Variants in STON2 observed in about 807,000 individuals in gnomAD.
STON2 encodes stonin-2.
STON2 carries 29 observed loss-of-function variants against 65.7 expected under a neutral mutation model. The ratio of observed to expected loss-of-function variants is 0.44; its 90% CI spans 0.33 to 0.60. STON2 has a LOEUF of 0.60. Ranked by LOEUF, STON2 falls within the 20% of genes least tolerant of loss-of-function variation. The pLI is 0.03. For missense variants in STON2, 1,054 were observed against 1,118.1 expected (o/e 0.94, Z 0.82); for synonymous variants, 404 against 414.2 (o/e 0.98, Z 0.30).
At position 81,265,900 on chromosome 14, in the gene STON2, C is replaced by A. The variant is rs1894341434; in HGVS notation, c.*2514G>T. Reference sequence around the variant, plus strand: ...TTGACAGAGTGCTAAGCGTGAGTGACTAAGGAAGGTGCTGGGATGAGCTTC... The same window carrying A: ...TTGACAGAGTGCTAAGCGTGAGTGAATAAGGAAGGTGCTGGGATGAGCTTC... On this transcript the variant is annotated 3_prime_UTR_variant, in exon 8 of 8. Coordinates refer to ENST00000614646, the MANE Select transcript of STON2 (RefSeq NM_001394390.1). 1 of 985,126 alleles carries A rather than the reference C, an allele frequency of 1.0e-6. No individual in the cohort carries two copies. The highest frequency in any genetic ancestry group is 1.2e-6 in the Non-Finnish European group (1 of 829,898). 61.0% of individuals were successfully genotyped at this position (985,126 alleles called of 1,614,324 possible).
At chr14:81,416,556 T>C (rs1325723497) in intron 2 of STON2, among the ~76,000 whole-genome samples, 1 of 152,200 alleles carries the variant, frequency 6.6e-6, no homozygotes, top group Non-Finnish European at 1.5e-5. Flanking sequence ...ATGTGAGCCA[T>C]GCCCACGAAG....
intron 2 of STON2, among the ~76,000 whole-genome samples, chr14:81,407,152 T>C (rs1054868108): frequency 6.6e-6 from 1 of 152,184 alleles, no homozygotes; most frequent in Non-Finnish European, 1.5e-5. Flanking sequence ...TGCTGTTTTG[T>C]GGTTGTTCGC....
At chr14:81,397,613 C>A (rs1167544871) in intron 2 of STON2, among the ~76,000 whole-genome samples, 1 of 152,170 alleles carries the variant, frequency 6.6e-6, no homozygotes, top group South Asian at 2.1e-4. Flanking sequence ...TCAGTTGGCA[C>A]TGGTAGCTGT....
rs1300643087 is a variant in STON2 at position 81,413,113 on chromosome 14, G to T, written c.-199+13989C>A. The T allele has an allele frequency of 2.8e-5, 34 of 1,216,482 alleles. 4 individuals carry two copies. The highest frequency in any genetic ancestry group is 3.4e-5 in the Non-Finnish European group (29 of 855,654). 75.4% of individuals were successfully genotyped at this position (1,216,482 alleles called of 1,614,324 possible). On this transcript the variant is annotated intron_variant, in intron 2 of 8. Coordinates refer to the STON2 transcript ENST00000553821. ...CTCATATCAAGAAGGAATGTGACAAGAAGTACAATCCCACCTGACACTGCA... is the reference window on the plus strand; with the variant it reads ...CTCATATCAAGAAGGAATGTGACAATAAGTACAATCCCACCTGACACTGCA...
chr14:81,359,980 A>G (rs971040604), intron 4 of STON2, among the ~76,000 whole-genome samples: 1 of 152,220 alleles, frequency 6.6e-6, no homozygotes, highest in Non-Finnish European at 1.5e-5. Flanking sequence ...GGTCCCAGCC[A>G]CATAAGGGGC....
intron 4 of STON2, among the ~76,000 whole-genome samples, chr14:81,368,150 G>A (rs1195058948): frequency 6.6e-6 from 1 of 152,108 alleles, no homozygotes; most frequent in Non-Finnish European, 1.5e-5. Flanking sequence ...TGGAAGGTCT[G>A]GGGGGTAACA....
chr14:81,393,674 A>C (rs1265945030), intron 3 of STON2, among the ~76,000 whole-genome samples: 5 of 152,246 alleles, frequency 3.3e-5, no homozygotes, highest in Non-Finnish European at 7.3e-5. Context: ...TGAGCACAGA[A>C]ACTGAGACAA....
At position 81,295,194 on chromosome 14, in the gene STON2, G is replaced by A. The variant is rs185011828; in HGVS notation, c.743-16455C>T. On this transcript the variant is annotated intron_variant, in intron 5 of 7. Transcript: ENST00000614646. ...GAAAAAATTAGCCGGCTGTGGTGGCGGGCACCTGTAGTCCCAGCTACTCTG... is the reference window on the plus strand; with the variant it reads ...GAAAAAATTAGCCGGCTGTGGTGGCAGGCACCTGTAGTCCCAGCTACTCTG... 1.7e-3 allele frequency among the ~76,000 whole-genome samples: 254 copies of A among 152,184 alleles called. 1 individual carries two copies. Among genetic ancestry groups the A allele is most frequent in the African/African-American group, 5.5e-3 (229 of 41,516 alleles).
chr14:81,292,263 C>G (rs2140158948), intron 5 of STON2, among the ~76,000 whole-genome samples: 1 of 152,296 alleles, frequency 6.6e-6, no homozygotes, highest in East Asian at 1.9e-4. Context: ...ATCATGTTAT[C>G]TCACATCAGA....
Position 81,266,703 on chromosome 14 carries a change from A to G in STON2, c.*1711T>C. ...GACTACATTAGCTTTGTGAATAGCC[A>G]TGATATATTTCTGATTCAACATTGA... is the stretch of plus-strand genomic sequence containing the variant. On this transcript the variant is annotated 3_prime_UTR_variant, in exon 8 of 8. Transcript: ENST00000614646. 1 of 985,400 alleles carries G rather than the reference A, an allele frequency of 1.0e-6. No homozygotes were observed. The highest frequency in any genetic ancestry group is 1.2e-6 in the Non-Finnish European group (1 of 829,886). The allele number at this position is 985,400 out of a possible 1,614,324, so 61.0% of individuals were successfully genotyped here.
chr14:81,308,810 ATATATATATATATATGTGTGTGTGTG>A (rs1896295738), intron 5 of STON2, among the ~76,000 whole-genome samples: 4 of 9,678 alleles, frequency 4.1e-4, no homozygotes, highest in African/African-American at 8.0e-4. Context: ...ATATATATAT[ATATATATATATATATGTGTGTGTGTG>A]TATATATATA....
chr14:81,316,402 C>A (rs953411462), intron 5 of STON2, among the ~76,000 whole-genome samples: 1 of 152,224 alleles, frequency 6.6e-6, no homozygotes. Flanking sequence ...CATTGTTAAA[C>A]ACCTTCCTGC....
intron 5 of STON2, among the ~76,000 whole-genome samples, chr14:81,285,405 A>G (rs1895293435): frequency 6.6e-6 from 1 of 152,224 alleles, no homozygotes; most frequent in Admixed American, 6.5e-5. Flanking sequence ...CAGATGTGGT[A>G]GAAACAGTGA....
chr14:81,317,967 T>G (rs1896686788), intron 5 of STON2, among the ~76,000 whole-genome samples: 1 of 152,122 alleles, frequency 6.6e-6, no homozygotes, highest in Non-Finnish European at 1.5e-5. Context: ...ATTTTTTTAT[T>G]TTGGGGGTGT....
intron 5 of STON2, among the ~76,000 whole-genome samples, chr14:81,288,115 A>C (rs1895410320): frequency 6.6e-6 from 1 of 152,226 alleles, no homozygotes; most frequent in Non-Finnish European, 1.5e-5. Flanking sequence ...AAAAGAGTTA[A>C]CTAGTGATAG....
At chr14:81,282,741 T>C (rs1336634167) in intron 5 of STON2, among the ~76,000 whole-genome samples, 1 of 152,204 alleles carries the variant, frequency 6.6e-6, no homozygotes, top group Non-Finnish European at 1.5e-5. Context: ...AACATCTCTT[T>C]ATTATTACTA....
chr14:81,410,278 C>CAAAAAAAAAAAAAAAAAAAAA (rs1161157573), intron 2 of STON2, among the ~76,000 whole-genome samples: 5 of 45,796 alleles, frequency 1.1e-4, no homozygotes, highest in Non-Finnish European at 9.7e-5. Context: ...TAACTCTAAC[C>CAAAAAAAAAAAAAAAAAAAAA]AAAAAAAAAA....
chr14:81,305,368 C>T (rs894031731), intron 5 of STON2, among the ~76,000 whole-genome samples: 8 of 152,192 alleles, frequency 5.3e-5, no homozygotes, highest in Admixed American at 2.0e-4. Context: ...TTTACCAACA[C>T]TGGATACTGC....
At chr14:81,327,556 T>C (rs1376037149) in intron 4 of STON2, among the ~76,000 whole-genome samples, 1 of 152,212 alleles carries the variant, frequency 6.6e-6, no homozygotes, top group African/African-American at 2.4e-5. Context: ...AGTTCTGGTA[T>C]TTGTGCACTT....
Sources: allele counts gnomAD v4.1 joint callset (sites outside exome capture counted in the v4.1 genomes callset), GRCh38; gene constraint gnomAD v4.1.1; transcripts MANE v1.5; gene names NCBI Gene and HGNC (gene_info 2026-07-23, HGNC 2026-07-21).